The following TUSC3 variants were observed in gnomAD, a reference collection of about 807,000 sequenced individuals.
The protein encoded by TUSC3 is tumor suppressor candidate 3, also known as dolichyl-diphosphooligosaccharide--protein glycosyltransferase subunit TUSC3.
In TUSC3, 45 loss-of-function variants were observed where a neutral mutation model predicts 44.8. That is an observed-to-expected ratio of 1.00 (90% CI 0.79 to 1.29). TUSC3 has a LOEUF of 1.29. Among genes scored for constraint, TUSC3 ranks in the 50% most tolerant of loss-of-function variants. The pLI, the probability that TUSC3 is intolerant of heterozygous loss-of-function variation, is 0.00. For synonymous variants in TUSC3, 212 were observed against 152.9 expected (o/e 1.39, Z -2.85); for missense variants, 519 against 437.9 (o/e 1.19, Z -1.65).
At chr8:15,606,911 A>T (rs943932625) in intron 1 of TUSC3, among the ~76,000 whole-genome samples, 3 of 151,322 alleles carry the variant, frequency 2.0e-5, no homozygotes, top group African/African-American at 7.3e-5. Context: ...TATTTTTAAT[A>T]AAACATTGTG....
intron 6 of TUSC3, among the ~76,000 whole-genome samples, chr8:15,719,051 A>C (rs976710377): frequency 1.3e-5 from 2 of 152,038 alleles, no homozygotes; most frequent in African/African-American, 4.8e-5. Context: ...CGTCATCAGC[A>C]TCTTTTGTCT....
intron 10 of TUSC3, 116 bp downstream of exon 10, chr8:15,757,971 A>G: frequency 1.3e-6 from 2 of 1,495,578 alleles, no homozygotes; most frequent in South Asian, 2.6e-5. Flanking sequence ...AATGTAAGAT[A>G]ACTTTTAACT....
intron 2 of TUSC3, among the ~76,000 whole-genome samples, chr8:15,632,365 A>G (rs977445638): frequency 9.8e-5 from 15 of 152,300 alleles, no homozygotes; most frequent in African/African-American, 3.4e-4. Flanking sequence ...GAAGAGTACT[A>G]TAGCAGTTAG....
intron 6 of TUSC3, among the ~76,000 whole-genome samples, chr8:15,715,932 C>T (rs4478577): frequency 0.081 from 12,305 of 151,838 alleles, 1,472 homozygotes; most frequent in African/African-American, 0.27. Context: ...AAATATGCAA[C>T]GTAAAATGAG....
Position 15,707,362 on chromosome 8 carries a change from T to C in TUSC3, c.799-23304T>C, listed in dbSNP as rs571925851. ...AAGAGTCACATCATATAGTCTGTCT[T>C]TTCAGTGATTGAATACAAGAGAAGA... is the stretch of plus-strand genomic sequence containing the variant. On this transcript the variant is annotated intron_variant, in intron 6 of 10. Coordinates refer to ENST00000503731, the MANE Select transcript of TUSC3 (RefSeq NM_006765.4). 3.9e-5 allele frequency among the ~76,000 whole-genome samples: 6 copies of C among 152,130 alleles called. No homozygotes were observed. The South Asian group carries it at 1.2e-3, about 32-fold the overall frequency.
chr8:15,649,869 T>G (rs1456270861), intron 2 of TUSC3, among the ~76,000 whole-genome samples: 2 of 152,144 alleles, frequency 1.3e-5, no homozygotes, highest in Admixed American at 1.3e-4. Context: ...AGGGGGGAGA[T>G]AAACTCTAGA....
At chr8:15,422,946 AT>A (rs1397723466) in intron 1 of TUSC3, among the ~76,000 whole-genome samples, 2 of 152,134 alleles carry the variant, frequency 1.3e-5, no homozygotes, top group Non-Finnish European at 2.9e-5. Context: ...TCCACCCAGT[AT>A]TAATTCACTT....
chr8:15,818,197 G>C, the TUSC3 span, among the ~76,000 whole-genome samples: 2 of 152,122 alleles, frequency 1.3e-5, no homozygotes. Flanking sequence ...TCCATTCTCA[G>C]TCGTTACATT....
chr8:15,762,101 A>G (rs1812187910), intron 10 of TUSC3, among the ~76,000 whole-genome samples: 1 of 151,944 alleles, frequency 6.6e-6, no homozygotes, highest in Non-Finnish European at 1.5e-5. Flanking sequence ...TGAAATACTG[A>G]TTAGAGAACA....
chr8:15,545,456 C>A (rs940282543), intron 1 of TUSC3, among the ~76,000 whole-genome samples: 6 of 151,624 alleles, frequency 4.0e-5, no homozygotes, highest in African/African-American at 1.2e-4. Flanking sequence ...AAAGTAAACA[C>A]TCATTTTTCT....
chr8:15,615,387 C>T (rs551249485), intron 1 of TUSC3, among the ~76,000 whole-genome samples: 1 of 152,090 alleles, frequency 6.6e-6, no homozygotes, highest in Non-Finnish European at 1.5e-5. Flanking sequence ...TGTTCTCACT[C>T]ATATGGGAGT....
At position 15,697,680 on chromosome 8, in the gene TUSC3, T is replaced by C. The variant is rs139352207; in HGVS notation, c.798+23844T>C. On this transcript the variant is annotated intron_variant, in intron 6 of 10. Coordinates refer to ENST00000503731, the MANE Select transcript of TUSC3 (RefSeq NM_006765.4). ...GAAAATGACCAGACCTAATGGGTTA[T>C]GTACATTTTATTATCTGTTTAGGTC... 3.7e-4 allele frequency among the ~76,000 whole-genome samples: 56 copies of C among 152,368 alleles called. No homozygotes were observed. In the East Asian group the frequency reaches 0.01, roughly 28 times the overall value.
chr8:15,584,260 A>G (rs1228186304), intron 1 of TUSC3, among the ~76,000 whole-genome samples: 1 of 152,196 alleles, frequency 6.6e-6, no homozygotes, highest in Non-Finnish European at 1.5e-5. Flanking sequence ...TCAGCACAAC[A>G]TTGACTTAAA....
At chr8:15,594,646 C>G (rs764927234) in intron 1 of TUSC3, among the ~76,000 whole-genome samples, 11 of 152,224 alleles carry the variant, frequency 7.2e-5, no homozygotes, top group Admixed American at 2.6e-4. Context: ...CATCTGAATA[C>G]TCTACATAAT....
chr8:15,568,989 G>C (rs951703961), intron 1 of TUSC3, among the ~76,000 whole-genome samples: 2 of 151,832 alleles, frequency 1.3e-5, no homozygotes, highest in African/African-American at 4.8e-5. Flanking sequence ...ATTTTGTTTA[G>C]TAAATATTGC....
chr8:15,518,663 T>G (rs1801253954), intron 2 of TUSC3, among the ~76,000 whole-genome samples: 1 of 152,208 alleles, frequency 6.6e-6, no homozygotes, highest in African/African-American at 2.4e-5. Context: ...CCTACCAGTC[T>G]TAGCAGCAAA....
chr8:15,635,542 A>G (rs1346205903), intron 2 of TUSC3, among the ~76,000 whole-genome samples: 6 of 152,174 alleles, frequency 3.9e-5, no homozygotes. Flanking sequence ...TTTTAATTTA[A>G]AAATTCACAA....
intron 1 of TUSC3, among the ~76,000 whole-genome samples, chr8:15,449,678 T>G (rs1495083): frequency 6.6e-6 from 1 of 152,054 alleles, no homozygotes; most frequent in East Asian, 1.9e-4. Flanking sequence ...TTTTCTCTGG[T>G]GTCCCTTTGA....
chr8:15,701,682 G>A (rs1809414579), intron 6 of TUSC3, among the ~76,000 whole-genome samples: 1 of 152,136 alleles, frequency 6.6e-6, no homozygotes, highest in Non-Finnish European at 1.5e-5. Context: ...AGAAGTAGAA[G>A]AAGGATATTT....
Sources: gnomAD v4.1 joint callset for allele counts (sites outside exome capture counted in the v4.1 genomes callset) on GRCh38, gnomAD v4.1.1 for gene constraint, MANE v1.5 for transcripts, NCBI Gene and HGNC (gene_info 2026-07-23, HGNC 2026-07-21) for gene names.